RAB23: variants seen among roughly 807,000 people sequenced by gnomAD.
RAB23 encodes the protein RAB23, member RAS oncogene family.
Under a neutral mutation model 30.0 loss-of-function variants are expected in RAB23, and 15 were observed. The ratio of observed to expected loss-of-function variants is 0.50; its 90% CI spans 0.33 to 0.77. The LOEUF (loss-of-function observed/expected upper bound fraction) is 0.77. RAB23 is among the 30% of genes least tolerant of loss of function. The pLI, the probability that RAB23 is intolerant of heterozygous loss-of-function variation, is 0.02. For missense variants in RAB23, 243 were observed against 275.4 expected, an observed-to-expected ratio of 0.88 and a Z score of 0.83; for synonymous variants, 93 against 94.0, an observed-to-expected ratio of 0.99 and a Z score of 0.06.
chr6:57,210,796 T>A (rs549387950), intron 1 of RAB23, among the ~76,000 whole-genome samples: 35 of 152,358 alleles, frequency 2.3e-4, no homozygotes, highest in Admixed American at 1.1e-3. Flanking sequence ...TCTTCAGGCT[T>A]CTGTTTCCTG....
Position 57,188,539 on chromosome 6 carries a change from A to G in RAB23, c.*1922T>C, listed in dbSNP as rs2127995286. ...TTTCTGCCAATAAAGACAAAAGACT[A>G]TTTGTTGCAAAGTATTATTTTGTGC... On this transcript the variant is annotated 3_prime_UTR_variant, in exon 7 of 7. Transcript: ENST00000468148. 6.6e-6 allele frequency: 1 copy of G among 152,298 alleles called. No homozygotes were observed. The highest frequency in any genetic ancestry group is 2.1e-4 in the South Asian group (1 of 4,828). 9.4% of individuals were successfully genotyped at this position (152,298 alleles called of 1,614,324 possible).
At position 57,222,257 on chromosome 6, in the gene RAB23, C is replaced by G. The variant is rs764169500; in HGVS notation, c.-597G>C. ...AGCAGCTCCGCCGGGGGTGGTGGGG[C>G]GCGGGAGTCTCGACTCCCCTCATCT... On this transcript the variant is annotated 5_prime_UTR_variant, in exon 1 of 7. Transcript: ENST00000468148. The G allele has an allele frequency of 6.6e-6, 1 of 152,564 alleles. No homozygotes were observed. Among genetic ancestry groups the G allele is most frequent in the Non-Finnish European group, 1.5e-5 (1 of 68,344 alleles). 9.5% of individuals were successfully genotyped at this position (152,564 alleles called of 1,614,324 possible).
chr6:57,195,628 T>A (rs1446179377), intron 4 of RAB23, among the ~76,000 whole-genome samples: 1 of 152,174 alleles, frequency 6.6e-6, no homozygotes, highest in Non-Finnish European at 1.5e-5. Context: ...CTGGGAGAAA[T>A]AGCTGCCGTG....
At chr6:57,193,604 C>A (rs907234663) in intron 6 of RAB23, among the ~76,000 whole-genome samples, 3 of 152,050 alleles carry the variant, frequency 2.0e-5, no homozygotes, top group Non-Finnish European at 4.4e-5. Context: ...AAGGACAGAT[C>A]TTTACAAAAA....
At chr6:57,193,508 TAAGC>T (rs1764915677) in intron 6 of RAB23, among the ~76,000 whole-genome samples, 1 of 152,094 alleles carries the variant, frequency 6.6e-6, no homozygotes, top group Admixed American at 6.5e-5. Flanking sequence ...TAATGGGTAA[TAAGC>T]AAGATAGTAA....
Position 57,187,966 on chromosome 6 carries a change from AT to A in RAB23, c.*2494del, listed in dbSNP as rs1257691150. On this transcript the variant is annotated 3_prime_UTR_variant, in exon 7 of 7. Transcript: ENST00000468148. ...CCTTATATGGGTCATTCTATATACT[AT>A]TTAATTCATAGACAGAGACTGGAAA... The A allele has an allele frequency of 4.0e-5, 6 of 150,102 alleles. No homozygotes were observed. The highest frequency in any genetic ancestry group is 1.5e-4 in the African/African-American group (6 of 40,362). 9.3% of individuals were successfully genotyped at this position (150,102 alleles called of 1,614,324 possible).
chr6:57,212,578 T>C (rs1765695173), intron 1 of RAB23, among the ~76,000 whole-genome samples: 1 of 152,106 alleles, frequency 6.6e-6, no homozygotes, highest in Non-Finnish European at 1.5e-5. Context: ...TGGGATCATC[T>C]AGATAACTTT....
In RAB23 at chr6:57,188,794, A is replaced by AT. The variant is rs1002265002; in HGVS notation, c.*1666dup. 1.8e-4 allele frequency: 28 copies of AT among 152,080 alleles called. No individual in the cohort carries two copies. The highest frequency in any genetic ancestry group is 6.5e-4 in the African/African-American group (27 of 41,406). The allele number at this position is 152,080 out of a possible 1,614,324, so 9.4% of individuals were successfully genotyped here. On this transcript the variant is annotated 3_prime_UTR_variant, in exon 7 of 7. Transcript: ENST00000468148. ...ATGAAAAGCAAAAATTTACTTTTTA[A>AT]TTTTTTTTATTTTTCCATCTAAAAT...
intron 3 of RAB23, among the ~76,000 whole-genome samples, chr6:57,200,936 G>C (rs984639078): frequency 4.6e-5 from 7 of 152,136 alleles, no homozygotes; most frequent in African/African-American, 1.4e-4. Context: ...CTCTGGACAT[G>C]CTAAACTAAA....
intron 1 of RAB23, among the ~76,000 whole-genome samples, chr6:57,218,522 A>G (rs540820563): frequency 3.1e-4 from 47 of 152,202 alleles, no homozygotes; most frequent in South Asian, 6.2e-4. Flanking sequence ...ACTCTGAGCA[A>G]ACTAGAAATA....
At chr6:57,202,166 A>G (rs913213849) in intron 3 of RAB23, among the ~76,000 whole-genome samples, 2 of 152,204 alleles carry the variant, frequency 1.3e-5, no homozygotes, top group Non-Finnish European at 2.9e-5. Flanking sequence ...TTCTACCACT[A>G]CATTTGTATC....
intron 4 of RAB23, among the ~76,000 whole-genome samples, 181 bp from the exon 5 acceptor site, chr6:57,195,033 A>G (rs1288382594): frequency 6.6e-6 from 1 of 152,212 alleles, no homozygotes; most frequent in Admixed American, 6.6e-5. Flanking sequence ...TTCCCAGTTA[A>G]GTAAAATCAG....
chr6:57,200,191 ATTT>A (rs750447866), intron 3 of RAB23, among the ~76,000 whole-genome samples: 1 of 143,084 alleles, frequency 7.0e-6, no homozygotes. Context: ...CACTTCAAGA[ATTT>A]TTTTTTTTTT....
chr6:57,207,393 C>A (rs915538075), intron 3 of RAB23, among the ~76,000 whole-genome samples: 8 of 152,102 alleles, frequency 5.3e-5, no homozygotes, highest in Non-Finnish European at 1.2e-4. Flanking sequence ...CTGGGAATGC[C>A]TACATGAGTC....
intron 6 of RAB23, among the ~76,000 whole-genome samples, chr6:57,191,278 G>C (rs934141571): frequency 4.6e-5 from 7 of 152,060 alleles, no homozygotes; most frequent in Non-Finnish European, 8.8e-5. Context: ...CCTAAGGTAC[G>C]CATGTTATTA....
Position 57,190,227 on chromosome 6 carries a change from G to A in RAB23, c.*234C>T, listed in dbSNP as rs780020354. On this transcript the variant is annotated 3_prime_UTR_variant, in exon 7 of 7. Transcript: ENST00000468148. ...TCTTATAGCATTCCTTTACAAACAG[G>A]AGAAGCTTCGTCTAATGTAAAAAAA... is the stretch of plus-strand genomic sequence containing the variant. 26 of 478,946 alleles carry A rather than the reference G, an allele frequency of 5.4e-5. No individual in the cohort carries two copies. The highest frequency in any genetic ancestry group is 9.0e-5 in the Non-Finnish European group (24 of 267,016). 29.7% of individuals were successfully genotyped at this position (478,946 alleles called of 1,614,324 possible). A position where few individuals can be genotyped will look rare whatever the true frequency, so the allele number is the denominator to read the frequency against.
At position 57,190,392 on chromosome 6, in the gene RAB23, C is replaced by T. The variant is rs1470714540; in HGVS notation, c.*69G>A. The T allele has an allele frequency of 6.4e-6, 10 of 1,570,690 alleles. No homozygotes were observed. Among genetic ancestry groups the T allele is most frequent in the Middle Eastern group, 3.9e-4 (2 of 5,194 alleles). ...AGTCTGCTGAAAACCTTGTAACATA[C>T]CATGACAGCTGGATGGGTTTCTTAA... On this transcript the variant is annotated 3_prime_UTR_variant, in exon 7 of 7. Transcript: ENST00000468148.
intron 1 of RAB23, among the ~76,000 whole-genome samples, chr6:57,214,903 G>A (rs1294874421): frequency 6.6e-6 from 1 of 152,112 alleles, no homozygotes; most frequent in African/African-American, 2.4e-5. Flanking sequence ...AAAATAAAAA[G>A]TTAACTGGCA....
chr6:57,207,578 G>A (rs758352485), intron 3 of RAB23, 50 bp downstream of exon 3: 4 of 1,331,326 alleles, frequency 3.0e-6, no homozygotes, highest in Non-Finnish European at 3.2e-6. Flanking sequence ...TATTTATTTA[G>A]CCAAAATAAT....
Sources: gnomAD v4.1 joint callset for allele counts (sites outside exome capture counted in the v4.1 genomes callset) on GRCh38, gnomAD v4.1.1 for gene constraint, MANE v1.5 for transcripts, NCBI Gene and HGNC (gene_info 2026-07-23, HGNC 2026-07-21) for gene names.